Variants in RBFOX1 observed in about 807,000 individuals in gnomAD.
RBFOX1 encodes the protein RNA binding protein fox-1 homolog 1.
A neutral mutation model predicts 57.7 loss-of-function variants in RBFOX1; 8 were observed. The ratio of observed to expected loss-of-function variants is 0.14; its 90% CI spans 0.08 to 0.25. The LOEUF (loss-of-function observed/expected upper bound fraction) is 0.25. RBFOX1 is among the 10% of genes least tolerant of loss of function. The pLI is 1.00. For synonymous variants in RBFOX1, 326 were observed against 222.4 expected, an observed-to-expected ratio of 1.47 and a Z score of -4.15; for missense variants, 611 against 548.5, an observed-to-expected ratio of 1.11 and a Z score of -1.14.
chr16:6,980,435 T>C (rs925623180), intron 3 of RBFOX1, among the ~76,000 whole-genome samples: 3 of 152,168 alleles, frequency 2.0e-5, no homozygotes, highest in Non-Finnish European at 4.4e-5. Flanking sequence ...GAAAGATATG[T>C]TTACAAAAGC....
At chr16:6,915,583 C>T (rs1438243043) in intron 3 of RBFOX1, among the ~76,000 whole-genome samples, 13 of 142,920 alleles carry the variant, frequency 9.1e-5, no homozygotes, top group African/African-American at 2.1e-4. Context: ...CAGTGTCTTG[C>T]TCTGTCACCC....
chr16:6,379,324 C>G (rs1408552482), intron 2 of RBFOX1, among the ~76,000 whole-genome samples: 5 of 152,002 alleles, frequency 3.3e-5, no homozygotes, highest in Admixed American at 3.3e-4. Context: ...ATAAGGTGGC[C>G]CAAAATTAGG....
intron 4 of RBFOX1, among the ~76,000 whole-genome samples, chr16:7,145,196 T>C (rs922307675): frequency 2.0e-5 from 3 of 151,884 alleles, no homozygotes; most frequent in African/African-American, 7.3e-5. Context: ...TTTTGTTTCG[T>C]TTTGTTTTGT....
intron 14 of RBFOX1, among the ~76,000 whole-genome samples, chr16:7,699,879 T>A (rs2080093443): frequency 6.6e-6 from 1 of 152,156 alleles, no homozygotes; most frequent in Non-Finnish European, 1.5e-5. Context: ...AGTTTGTGTG[T>A]CCCCAAGAAC....
chr16:6,977,503 C>T (rs1324673859), intron 3 of RBFOX1, among the ~76,000 whole-genome samples: 2 of 152,084 alleles, frequency 1.3e-5, no homozygotes, highest in Non-Finnish European at 2.9e-5. Context: ...GTCCCAGCCT[C>T]ATTTTCCAGC....
chr16:7,499,074 A>G (rs899388300), intron 4 of RBFOX1, among the ~76,000 whole-genome samples: 7 of 152,192 alleles, frequency 4.6e-5, no homozygotes, highest in Non-Finnish European at 8.8e-5. Context: ...CAGGGCTACG[A>G]AAACAAAGAA....
intron 3 of RBFOX1, among the ~76,000 whole-genome samples, chr16:6,671,626 C>T (rs887503705): frequency 6.6e-6 from 1 of 152,174 alleles, no homozygotes; most frequent in African/African-American, 2.4e-5. Context: ...CCCACCCTTT[C>T]CGCCTGAGTC....
intron 3 of RBFOX1, among the ~76,000 whole-genome samples, chr16:6,657,045 C>CCTCGTTTTCTTAGAG (rs2098662104): frequency 8.8e-6 from 1 of 113,326 alleles, no homozygotes; most frequent in Non-Finnish European, 1.8e-5. Context: ...CCCCTTTCCT[C>CCTCGTTTTCTTAGAG]TCCTCTCCTC....
intron 2 of RBFOX1, among the ~76,000 whole-genome samples, chr16:6,458,014 A>AAC (rs935564500): frequency 2.2e-4 from 33 of 151,962 alleles, no homozygotes; most frequent in African/African-American, 8.0e-4. Context: ...CAAAACTGAA[A>AAC]AAAAAAAGAA....
At chr16:6,193,029 C>G (rs1384358823) in intron 1 of RBFOX1, among the ~76,000 whole-genome samples, 3 of 152,046 alleles carry the variant, frequency 2.0e-5, no homozygotes, top group Non-Finnish European at 2.9e-5. Context: ...GAATGTTTAT[C>G]TTTGTTCCAT....
chr16:6,493,655 T>A (rs547705321), intron 2 of RBFOX1, among the ~76,000 whole-genome samples: 28 of 152,316 alleles, frequency 1.8e-4, no homozygotes, highest in African/African-American at 6.7e-4. Context: ...GCCTTTCAAT[T>A]TGCTGTAAGG....
At chr16:7,577,551 C>T (rs2093433013) in intron 5 of RBFOX1, among the ~76,000 whole-genome samples, 1 of 152,236 alleles carries the variant, frequency 6.6e-6, no homozygotes, top group African/African-American at 2.4e-5. Flanking sequence ...CCAGCAGTGT[C>T]ATATGACCTT....
At chr16:7,011,150 A>G (rs1388663364) in intron 3 of RBFOX1, among the ~76,000 whole-genome samples, 1 of 152,168 alleles carries the variant, frequency 6.6e-6, no homozygotes, top group African/African-American at 2.4e-5. Context: ...TGAAAAGTCA[A>G]AAACTGCAGA....
intron 1 of RBFOX1, among the ~76,000 whole-genome samples, chr16:6,025,965 A>G (rs1489120304): frequency 6.6e-6 from 1 of 152,190 alleles, no homozygotes; most frequent in African/African-American, 2.4e-5. Context: ...TGAGCCAAGC[A>G]CTGTACCTTC....
intron 3 of RBFOX1, among the ~76,000 whole-genome samples, chr16:6,915,111 C>T (rs141029037): frequency 6.6e-6 from 1 of 152,172 alleles, no homozygotes; most frequent in Admixed American, 6.5e-5. Context: ...GGCCTGCGGT[C>T]CTCCAGCTAA....
chr16:5,438,817 C>A (rs2067995823), intron 1 of RBFOX1, among the ~76,000 whole-genome samples: 1 of 152,070 alleles, frequency 6.6e-6, no homozygotes, highest in African/African-American at 2.4e-5. Flanking sequence ...GCTCAGCCAT[C>A]TTGCACTCTT....
rs1228628776 is a variant in RBFOX1, at chr16:7,652,374, A to G, written c.758-1441A>G. ...TCCTCCTCACCTCCTCATCTTGCTC[A>G]GAGAATTTTACCCAAGGGAAGATAT... is the stretch of plus-strand genomic sequence containing the variant. On this transcript the variant is annotated intron_variant, in intron 11 of 15. Coordinates refer to ENST00000550418, the MANE Select transcript of RBFOX1 (RefSeq NM_018723.4). Among the ~76,000 whole-genome samples the G allele has an allele frequency of 4.6e-5, 7 of 152,174 alleles. No individual in the cohort carries two copies. The East Asian group carries it at 1.4e-3, about 29-fold the overall frequency.
In RBFOX1 at chr16:6,690,410, T is replaced by A. The variant is rs567923460; in HGVS notation, c.-16+35760T>A. On this transcript the variant is annotated intron_variant, in intron 3 of 15. Coordinates refer to ENST00000550418, the MANE Select transcript of RBFOX1 (RefSeq NM_018723.4). ...AAATTCATATAAAGGGCCATCACAC[T>A]TTTAAAAAAATGGAGGGACTATTTG... Among the ~76,000 whole-genome samples, 19 of 152,218 alleles carry A rather than the reference T, an allele frequency of 1.2e-4. 1 individual carries two copies. The South Asian group carries it at 2.7e-3, about 22-fold the overall frequency.
At chr16:6,042,848 T>A (rs1461274371) in intron 1 of RBFOX1, among the ~76,000 whole-genome samples, 3 of 152,160 alleles carry the variant, frequency 2.0e-5, no homozygotes, top group African/African-American at 7.2e-5. Context: ...AGATCATAGT[T>A]GGATTCAAAG....
Sources: gnomAD v4.1 joint callset for allele counts (sites outside exome capture counted in the v4.1 genomes callset) on GRCh38, gnomAD v4.1.1 for gene constraint, MANE v1.5 for transcripts, NCBI Gene and HGNC (gene_info 2026-07-23, HGNC 2026-07-21) for gene names.